Variants in SLC13A4 observed in about 807,000 individuals in gnomAD.
SLC13A4 encodes the protein Na(+)/sulfate cotransporter SUT-1.
Under a neutral mutation model 72.7 loss-of-function variants are expected in SLC13A4, and 28 were observed. The ratio of observed to expected loss-of-function variants is 0.39; its 90% CI spans 0.29 to 0.53. The LOEUF is 0.53. Ranked by LOEUF, SLC13A4 falls within the 20% of genes least tolerant of loss-of-function variation. SLC13A4 has a pLI of 0.78. For synonymous variants in SLC13A4, 312 were observed against 325.5 expected, an observed-to-expected ratio of 0.96 and a Z score of 0.45; for missense variants, 653 against 788.0, an observed-to-expected ratio of 0.83 and a Z score of 2.05.
At chr7:135,706,400 G>T in intron 3 of SLC13A4, 100 bp from the exon 4 acceptor site, 1 of 1,268,678 alleles carries the variant, frequency 7.9e-7, no homozygotes, top group Non-Finnish European at 1.1e-6. Context: ...GGTCTAGACA[G>T]CTGTGGCTGG....
Position 135,691,205 on chromosome 7 carries a change from C to G in SLC13A4, c.1442G>C (p.Ser481Thr). The change falls in exon 13 of 16, where the codon AGC becomes ACC. Residue 481 changes from serine to threonine, a missense_variant. By Grantham distance (58) the Ser-to-Thr change is moderately conservative. Transcript: ENST00000682651. ...VGGGYALASG[S>T]KSSGLSTWIG... ...AAAACAGAATTCAAGAATTACCTTG[C>G]TACCAGAAGCCAGAGCATAGCCTCC... The G allele has an allele frequency of 6.3e-7, 1 of 1,586,764 alleles. No homozygotes were observed. Among genetic ancestry groups the G allele is most frequent in the Non-Finnish European group, 8.5e-7 (1 of 1,171,832 alleles).
intron 11 of SLC13A4, 91 bp from the exon 12 acceptor site, chr7:135,691,736 C>T: frequency 1.2e-6 from 1 of 845,684 alleles, no homozygotes; most frequent in South Asian, 1.6e-5. Context: ...AACACAGTGC[C>T]TCTTTTTAGG....
At chr7:135,690,206 A>AG (rs1563156572) in intron 13 of SLC13A4, among the ~76,000 whole-genome samples, 3 of 147,784 alleles carry the variant, frequency 2.0e-5, no homozygotes, top group African/African-American at 5.0e-5. Context: ...AAAAAAAAAA[A>AG]AGAGAACCAA....
At chr7:135,723,258 C>G (rs1796584497) in intron 1 of SLC13A4, among the ~76,000 whole-genome samples, 1 of 152,172 alleles carries the variant, frequency 6.6e-6, no homozygotes, top group Non-Finnish European at 1.5e-5. Flanking sequence ...GAGGCCTGGA[C>G]ATTCACCAGC....
intron 13 of SLC13A4, among the ~76,000 whole-genome samples, chr7:135,689,902 G>A (rs996492395): frequency 1.3e-5 from 2 of 152,002 alleles, no homozygotes; most frequent in South Asian, 2.1e-4. Context: ...GAACCAAGCC[G>A]GGCACAGTGG....
intron 1 of SLC13A4, among the ~76,000 whole-genome samples, chr7:135,724,033 GAC>G (rs1796599483): frequency 6.6e-6 from 1 of 152,238 alleles, no homozygotes; most frequent in Non-Finnish European, 1.5e-5. Flanking sequence ...CTGGGAAAGA[GAC>G]AGAGTGGCAG....
intron 3 of SLC13A4, among the ~76,000 whole-genome samples, chr7:135,706,708 G>A (rs577069447): frequency 3.9e-5 from 6 of 152,160 alleles, no homozygotes; most frequent in Non-Finnish European, 5.9e-5. Flanking sequence ...TTCTGTGAGC[G>A]CCACGGCACT....
At position 135,727,465 on chromosome 7, in the gene SLC13A4, C is replaced by G. The variant is rs771211421; in HGVS notation, c.32G>C (p.Arg11Pro). 3.2e-6 allele frequency: 5 copies of G among 1,550,432 alleles called. No homozygotes were observed. The highest frequency in any genetic ancestry group is 4.4e-6 in the Non-Finnish European group (5 of 1,146,882). The change falls in exon 1 of 16, where the codon CGG (arginine) becomes CCG (proline). Residue 11 changes from arginine to proline, a missense_variant. Physicochemically the swap from Arg to Pro is moderately radical, Grantham distance 103. Coordinates refer to ENST00000682651, the MANE Select transcript of SLC13A4 (RefSeq NM_001318192.2). ...GACGCAGACGACCAGCAGCAGCTTC[C>G]GGACTCGGAGCAGGCCCTGCAGCAG... The part of the protein sequence containing the change: MGLLQGLLRV[R>P]KLLLVVCVPL...
At chr7:135,702,667 C>A in intron 6 of SLC13A4, 178 bp downstream of exon 6, 1 of 620,444 alleles carries the variant, frequency 1.6e-6, no homozygotes, top group Admixed American at 2.6e-5. Flanking sequence ...TGAGCCACCA[C>A]GCCCAGCCAA....
In SLC13A4 at chr7:135,727,870, C is replaced by T. The variant is rs1192643132; in HGVS notation, c.-374G>A. The T allele has an allele frequency of 9.9e-6, 2 of 201,910 alleles. No homozygotes were observed. The highest frequency in any genetic ancestry group is 1.1e-4 in the East Asian group (1 of 8,860). 12.5% of individuals were successfully genotyped at this position (201,910 alleles called of 1,614,324 possible). A position where few individuals can be genotyped will look rare whatever the true frequency, so the allele number is the denominator to read the frequency against. ...AAGCCACACCTTTGCTGCTGCTGCT[C>T]GGCCTTGAAGAAATCATTTAAAAGC... On this transcript the variant is annotated 5_prime_UTR_variant, in exon 1 of 16. Coordinates refer to ENST00000682651, the MANE Select transcript of SLC13A4 (RefSeq NM_001318192.2).
chr7:135,695,255 C>A (rs1395055475), intron 9 of SLC13A4, 113 bp downstream of exon 9: 10 of 1,411,072 alleles, frequency 7.1e-6, no homozygotes, highest in Non-Finnish European at 9.7e-6. Flanking sequence ...CCTTGGGCAT[C>A]CTCTGTGGTT....
chr7:135,687,239 A>T (rs1184659007), intron 13 of SLC13A4, among the ~76,000 whole-genome samples: 3 of 152,106 alleles, frequency 2.0e-5, no homozygotes, highest in Non-Finnish European at 4.4e-5. Context: ...TCTCTCTTCT[A>T]TGGTGACAGG....
intron 1 of SLC13A4, among the ~76,000 whole-genome samples, chr7:135,725,344 G>A (rs1016544331): frequency 1.3e-5 from 2 of 152,162 alleles, no homozygotes; most frequent in Non-Finnish European, 1.5e-5. Context: ...ATGACTGGGG[G>A]CGCCTTTTAA....
chr7:135,709,233 A>C (rs1253162062), intron 2 of SLC13A4, among the ~76,000 whole-genome samples: 1 of 151,742 alleles, frequency 6.6e-6, no homozygotes, highest in Non-Finnish European at 1.5e-5. Flanking sequence ...ACCCGGCCTT[A>C]ATTTTAAAAA....
intron 5 of SLC13A4, chr7:135,703,946 G>T (rs1016001432): frequency 5.9e-5 from 9 of 152,290 alleles, no homozygotes. Flanking sequence ...GGAGGTGGTG[G>T]CCGCAAGAGT....
rs143946527 is a variant in SLC13A4, at chr7:135,683,844, T to G, written c.1746+280A>C. ...GGCAAAACTTGTTTGCACAGGCTCATGCCTTCTGGAACTGGGCCACAGCCT... is the reference window on the plus strand; with the variant it reads ...GGCAAAACTTGTTTGCACAGGCTCAGGCCTTCTGGAACTGGGCCACAGCCT... On this transcript the variant is annotated intron_variant, in intron 15 of 15. Transcript: ENST00000682651. 145 of 939,702 alleles carry G rather than the reference T, an allele frequency of 1.5e-4. No homozygotes were observed. In the Middle Eastern group the frequency reaches 1.6e-3, roughly 11 times the overall value. The allele number at this position is 939,702 out of a possible 1,614,324, so 58.2% of individuals were successfully genotyped here. A position where few individuals can be genotyped will look rare whatever the true frequency, so the allele number is the denominator to read the frequency against.
At chr7:135,725,458 A>G (rs1013759675) in intron 1 of SLC13A4, among the ~76,000 whole-genome samples, 3 of 152,172 alleles carry the variant, frequency 2.0e-5, no homozygotes, top group Non-Finnish European at 4.4e-5. Flanking sequence ...CTTCTATAAC[A>G]TGATAAACAG....
At chr7:135,724,272 A>G (rs970656965) in intron 1 of SLC13A4, among the ~76,000 whole-genome samples, 7 of 152,182 alleles carry the variant, frequency 4.6e-5, no homozygotes, top group African/African-American at 1.4e-4. Flanking sequence ...AGGTGGGTGG[A>G]TCAGTTGAGG....
intron 2 of SLC13A4, among the ~76,000 whole-genome samples, chr7:135,720,179 G>C (rs1344096668): frequency 1.3e-5 from 2 of 152,146 alleles, no homozygotes; most frequent in Non-Finnish European, 2.9e-5. Context: ...GAAGTGAAGA[G>C]ACTCACAGTT....
Sources: gnomAD v4.1 joint callset for allele counts (sites outside exome capture counted in the v4.1 genomes callset) on GRCh38, gnomAD v4.1.1 for gene constraint, MANE v1.5 for transcripts, NCBI Gene and HGNC (gene_info 2026-07-23, HGNC 2026-07-21) for gene names.